Variants in PCM1 observed in about 807,000 individuals in gnomAD.
The protein encoded by PCM1 is pericentriolar material 1, also known as pericentriolar material 1 protein.
Under a neutral mutation model 241.9 loss-of-function variants are expected in PCM1, and 157 were observed. The observed-to-expected ratio is 0.65, with a 90% CI of 0.57 to 0.74. The LOEUF is 0.74. Ranked by LOEUF, PCM1 falls within the 30% of genes least tolerant of loss-of-function variation. The probability of loss-of-function intolerance (pLI) is 0.00; values close to 1 mark genes in which losing one functional copy is unlikely to be tolerated. For synonymous variants in PCM1, 1,085 were observed against 784.9 expected (o/e 1.38, Z -6.39); for missense variants, 3,478 against 2,360.1 (o/e 1.47, Z -9.81).
intron 7 of PCM1, among the ~76,000 whole-genome samples, chr8:17,949,252 A>G (rs186043452): frequency 4.4e-4 from 67 of 152,282 alleles, no homozygotes; most frequent in Admixed American, 7.2e-4. Flanking sequence ...GAAAGCTACA[A>G]TTACAGTATT....
At chr8:17,939,343 A>G in intron 5 of PCM1, among the ~76,000 whole-genome samples, 1 of 151,944 alleles carries the variant, frequency 6.6e-6, no homozygotes, top group Non-Finnish European at 1.5e-5. Context: ...TCTTTTGAAA[A>G]GTTGTAAAAC....
chr8:17,926,361 A>G (rs995569132), intron 2 of PCM1: 2 of 152,248 alleles, frequency 1.3e-5, no homozygotes, highest in African/African-American at 4.8e-5. Context: ...GAAGACAACC[A>G]GAAATACCTA....
At chr8:17,997,695 C>G (rs1276725015) in intron 29 of PCM1, among the ~76,000 whole-genome samples, 2 of 151,842 alleles carry the variant, frequency 1.3e-5, no homozygotes, top group Non-Finnish European at 2.9e-5. Context: ...TTTAAATTAT[C>G]TCAATCTGTT....
chr8:17,984,537 T>A (rs925528531), intron 24 of PCM1, among the ~76,000 whole-genome samples: 2 of 151,958 alleles, frequency 1.3e-5, no homozygotes, highest in Admixed American at 1.3e-4. Flanking sequence ...AATGTTATTA[T>A]TTCATGCTTG....
intron 24 of PCM1, chr8:17,983,156 C>T (rs975403706): frequency 5.0e-6 from 3 of 600,340 alleles, no homozygotes; most frequent in African/African-American, 2.0e-5. Flanking sequence ...TTTTCATTCA[C>T]TTATTCATGT....
intron 6 of PCM1, among the ~76,000 whole-genome samples, chr8:17,946,832 AGTGTGTGTGTGTGT>A (rs368892136): frequency 1.3e-4 from 18 of 138,382 alleles, no homozygotes; most frequent in East Asian, 4.3e-4. Flanking sequence ...TAGATTCTTC[AGTGTGTGTGTGTGT>A]GTGTGTGTGT....
At chr8:17,943,996 C>T (rs1235682667) in intron 6 of PCM1, among the ~76,000 whole-genome samples, 1 of 152,142 alleles carries the variant, frequency 6.6e-6, no homozygotes, top group Non-Finnish European at 1.5e-5. Context: ...GACATGATGA[C>T]ATCTTGTATA....
intron 30 of PCM1, among the ~76,000 whole-genome samples, chr8:18,008,694 G>C (rs1268260204): frequency 6.6e-6 from 1 of 152,166 alleles, no homozygotes; most frequent in Non-Finnish European, 1.5e-5. Context: ...TTCAGAAAAG[G>C]TGGAAGATGA....
At chr8:18,004,731 C>T (rs1472041993) in intron 29 of PCM1, among the ~76,000 whole-genome samples, 1 of 152,204 alleles carries the variant, frequency 6.6e-6, no homozygotes, top group Admixed American at 6.5e-5. Context: ...TATGTCATCA[C>T]TAGTGAGTCA....
At chr8:18,018,638 C>T (rs1366993718) in intron 36 of PCM1, among the ~76,000 whole-genome samples, 2 of 151,580 alleles carry the variant, frequency 1.3e-5, no homozygotes, top group African/African-American at 4.8e-5. Context: ...TGGTGAAACC[C>T]CATCTCTACT....
chr8:18,007,159 A>T (rs1352363198), intron 30 of PCM1, among the ~76,000 whole-genome samples: 1 of 152,186 alleles, frequency 6.6e-6, no homozygotes, highest in African/African-American at 2.4e-5. Context: ...GAGATAGTTC[A>T]GTGATGTGTA....
intron 19 of PCM1, 53 bp downstream of exon 19, chr8:17,966,271 C>A: frequency 6.2e-7 from 1 of 1,605,018 alleles, no homozygotes; most frequent in Non-Finnish European, 8.5e-7. Context: ...ACTTCTGAAG[C>A]AATACAAATT....
chr8:17,964,864 T>C, intron 18 of PCM1, 96 bp downstream of exon 18: 1 of 869,070 alleles, frequency 1.2e-6, no homozygotes, highest in Non-Finnish European at 1.9e-6. Context: ...GCCAACTGAA[T>C]GTCCTACAAC....
chr8:17,958,196 G>A (rs4570198), intron 13 of PCM1, among the ~76,000 whole-genome samples: 26,113 of 152,072 alleles, frequency 0.17, 2,658 homozygotes, highest in East Asian at 0.38. Context: ...TCTCAATGAG[G>A]TAGACATTAA....
intron 9 of PCM1, among the ~76,000 whole-genome samples, chr8:17,954,439 A>C (rs988186342): frequency 2.6e-5 from 4 of 151,938 alleles, no homozygotes; most frequent in African/African-American, 9.7e-5. Flanking sequence ...AAAAAAAAAA[A>C]AAAGAAAAGA....
At chr8:18,025,235 T>G in intron 36 of PCM1, 126 bp from the exon 37 acceptor site, 1 of 557,138 alleles carries the variant, frequency 1.8e-6, no homozygotes. Flanking sequence ...TCTAAATTAT[T>G]CATAGAGCTG....
At chr8:17,998,844 A>G (rs1168385550) in intron 29 of PCM1, among the ~76,000 whole-genome samples, 1 of 152,146 alleles carries the variant, frequency 6.6e-6, no homozygotes, top group East Asian at 1.9e-4. Flanking sequence ...ATTCTGTCCT[A>G]CTGTGGCTAA....
intron 6 of PCM1, among the ~76,000 whole-genome samples, chr8:17,940,442 C>G (rs1215128245): frequency 6.6e-6 from 1 of 152,150 alleles, no homozygotes; most frequent in Non-Finnish European, 1.5e-5. Context: ...AGCAAAGCTT[C>G]ACTAATTTTA....
At chr8:17,931,121 T>A (rs1363028898) in intron 2 of PCM1, among the ~76,000 whole-genome samples, 1 of 152,198 alleles carries the variant, frequency 6.6e-6, no homozygotes, top group South Asian at 2.1e-4. Flanking sequence ...AAAAATCATC[T>A]GTTTTTCCCA....
Sources: gnomAD v4.1 joint callset for allele counts (sites outside exome capture counted in the v4.1 genomes callset) on GRCh38, gnomAD v4.1.1 for gene constraint, MANE v1.5 for transcripts, NCBI Gene and HGNC (gene_info 2026-07-23, HGNC 2026-07-21) for gene names.